PPP6R3: variants seen among roughly 807,000 people sequenced by gnomAD.
PPP6R3 encodes protein phosphatase 6 regulatory subunit 3, also known as serine/threonine-protein phosphatase 6 regulatory subunit 3.
In PPP6R3, 38 loss-of-function variants were observed where a neutral mutation model predicts 110.7. The ratio of observed to expected loss-of-function variants is 0.34; its 90% CI spans 0.26 to 0.45. The LOEUF (loss-of-function observed/expected upper bound fraction) is 0.45, where lower values mean the gene tolerates loss of function less well. Among genes scored for constraint, PPP6R3 ranks in the 20% least tolerant of loss-of-function variants. The probability of loss-of-function intolerance (pLI) is 1.00; values close to 1 mark genes in which losing one functional copy is unlikely to be tolerated. For missense variants in PPP6R3, 870 were observed against 1,062.4 expected (o/e 0.82, Z 2.52); for synonymous variants, 369 against 373.5 (o/e 0.99, Z 0.14).
At chr11:68,482,519 C>T (rs2098921601) in intron 1 of PPP6R3, among the ~76,000 whole-genome samples, 1 of 151,788 alleles carries the variant, frequency 6.6e-6, no homozygotes, top group South Asian at 2.1e-4. Context: ...AAGTCCTAAA[C>T]TTACACAGAA....
chr11:68,483,280 T>A (rs1459583198), intron 1 of PPP6R3, among the ~76,000 whole-genome samples: 1 of 152,234 alleles, frequency 6.6e-6, no homozygotes, highest in African/African-American at 2.4e-5. Flanking sequence ...AGCAAATCTT[T>A]TAAAATTGTG....
chr11:68,476,470 G>A (rs1168362258), intron 1 of PPP6R3, among the ~76,000 whole-genome samples: 2 of 147,054 alleles, frequency 1.4e-5, no homozygotes, highest in South Asian at 2.2e-4. Flanking sequence ...GGGGGAGGGG[G>A]AGGGGGAGGG....
intron 1 of PPP6R3, among the ~76,000 whole-genome samples, chr11:68,481,083 GAAGA>G (rs2098906808): frequency 6.6e-6 from 1 of 152,182 alleles, no homozygotes; most frequent in African/African-American, 2.4e-5. Flanking sequence ...CTCGAGGAAG[GAAGA>G]GAGTAGAGTT....
chr11:68,596,928 C>T (rs1430633460), intron 19 of PPP6R3, among the ~76,000 whole-genome samples: 1 of 152,110 alleles, frequency 6.6e-6, no homozygotes, highest in Non-Finnish European at 1.5e-5. Flanking sequence ...GACTTCAGAG[C>T]TAGATGGGAC....
chr11:68,493,066 T>A (rs1441497788), intron 1 of PPP6R3, among the ~76,000 whole-genome samples: 8 of 152,178 alleles, frequency 5.3e-5, no homozygotes, highest in Admixed American at 1.3e-4. Flanking sequence ...TACCTACTTC[T>A]AACCCTGATT....
At position 68,496,537 on chromosome 11, in the gene PPP6R3, A is replaced by G. The variant is rs1238289376; in HGVS notation, c.-157-22964A>G. Reference sequence around the variant, plus strand: ...ACCCAGGCTGGAGTGCAGTAGTGCAATCTCAGCTCGCTGCAACCTCTGCCA... The same window carrying G: ...ACCCAGGCTGGAGTGCAGTAGTGCAGTCTCAGCTCGCTGCAACCTCTGCCA... On this transcript the variant is annotated intron_variant, in intron 1 of 23. Coordinates refer to ENST00000393800, the MANE Select transcript of PPP6R3 (RefSeq NM_001164161.2). 3.9e-5 allele frequency among the ~76,000 whole-genome samples: 6 copies of G among 152,076 alleles called. No homozygotes were observed. The South Asian group carries it at 1.0e-3, about 26-fold the overall frequency.
intron 10 of PPP6R3, among the ~76,000 whole-genome samples, chr11:68,569,327 G>A (rs1346882824): frequency 6.6e-6 from 1 of 152,164 alleles, no homozygotes; most frequent in African/African-American, 2.4e-5. Flanking sequence ...TCCTTTGGAT[G>A]CCTGAAACCA....
intron 20 of PPP6R3, 71 bp from the exon 21 acceptor site, chr11:68,601,792 T>C (rs1594001083): frequency 2.3e-6 from 3 of 1,277,684 alleles, no homozygotes; most frequent in East Asian, 4.7e-5. Context: ...TTGTAAAGGC[T>C]TATTGTGAAT....
At position 68,527,516 on chromosome 11, in the gene PPP6R3, C is replaced by G. The variant is rs561802727; in HGVS notation, c.-7+7865C>G. Among the ~76,000 whole-genome samples, 7 of 152,332 alleles carry G rather than the reference C, an allele frequency of 4.6e-5. No individual in the cohort carries two copies. In the South Asian group the frequency reaches 6.2e-4, roughly 14 times the overall value. On this transcript the variant is annotated intron_variant, in intron 2 of 23. Coordinates refer to ENST00000393800, the MANE Select transcript of PPP6R3 (RefSeq NM_001164161.2). ...AGACCCAAAAGAGGTTTGTCCTCTTCCCTCTGTCCTTCACCTTTGTAGGAA... is the reference window on the plus strand; with the variant it reads ...AGACCCAAAAGAGGTTTGTCCTCTTGCCTCTGTCCTTCACCTTTGTAGGAA...
intron 1 of PPP6R3, among the ~76,000 whole-genome samples, chr11:68,478,646 A>AGTTTT (rs2098859650): frequency 9.3e-5 from 1 of 10,752 alleles, no homozygotes; most frequent in Non-Finnish European, 2.0e-4. Context: ...GCACTTGGTA[A>AGTTTT]GTTTTTTTTT....
intron 1 of PPP6R3, among the ~76,000 whole-genome samples, chr11:68,486,968 CA>C (rs1474159762): frequency 6.6e-6 from 1 of 152,106 alleles, no homozygotes; most frequent in Non-Finnish European, 1.5e-5. Context: ...TGTCTTCTCT[CA>C]TTTCTCTTTC....
At position 68,503,458 on chromosome 11, in the gene PPP6R3, G is replaced by A. The variant is rs1478582559; in HGVS notation, c.-157-16043G>A. Among the ~76,000 whole-genome samples, 4 of 152,108 alleles carry A rather than the reference G, an allele frequency of 2.6e-5. No individual in the cohort carries two copies. The East Asian group carries it at 5.8e-4, about 22-fold the overall frequency. On this transcript the variant is annotated intron_variant, in intron 1 of 23. Coordinates refer to ENST00000393800, the MANE Select transcript of PPP6R3 (RefSeq NM_001164161.2). ...CTGTGTTATCAGTGGGACAGAAGAA[G>A]GAAGGAAGGAAGGAGAGGAGCAGCC...
At chr11:68,482,387 C>T (rs1157032733) in intron 1 of PPP6R3, among the ~76,000 whole-genome samples, 1 of 149,354 alleles carries the variant, frequency 6.7e-6, no homozygotes, top group Admixed American at 6.7e-5. Flanking sequence ...GCATTCCAGC[C>T]TGGGCAACAA....
At chr11:68,484,828 C>A (rs2098936290) in intron 1 of PPP6R3, among the ~76,000 whole-genome samples, 1 of 152,092 alleles carries the variant, frequency 6.6e-6, no homozygotes. Flanking sequence ...CTCAGGTGGT[C>A]CACCCACCTC....
intron 2 of PPP6R3, among the ~76,000 whole-genome samples, chr11:68,535,723 G>A (rs1314649637): frequency 6.6e-6 from 1 of 151,366 alleles, no homozygotes; most frequent in Non-Finnish European, 1.5e-5. Context: ...AGCACTTGGG[G>A]AGGCTGAGGC....
chr11:68,528,786 T>C (rs1358835546), intron 2 of PPP6R3, among the ~76,000 whole-genome samples: 1 of 152,208 alleles, frequency 6.6e-6, no homozygotes, highest in African/African-American at 2.4e-5. Context: ...CACCAGACCC[T>C]CCTGGAGCCC....
At chr11:68,610,890 C>T (rs1435516246) in intron 23 of PPP6R3, among the ~76,000 whole-genome samples, 1 of 144,792 alleles carries the variant, frequency 6.9e-6, no homozygotes, top group African/African-American at 2.5e-5. Flanking sequence ...TGTATGAGAG[C>T]ATAACCAGTG....
At chr11:68,476,610 A>G (rs1205325716) in intron 1 of PPP6R3, among the ~76,000 whole-genome samples, 3 of 152,244 alleles carry the variant, frequency 2.0e-5, no homozygotes, top group Admixed American at 6.5e-5. Context: ...GCTATATGCT[A>G]TAAGTTTTGC....
chr11:68,509,123 T>C (rs2099094493), intron 1 of PPP6R3, among the ~76,000 whole-genome samples: 1 of 152,154 alleles, frequency 6.6e-6, no homozygotes, highest in Non-Finnish European at 1.5e-5. Flanking sequence ...CGTGTCCTTT[T>C]CTCACCCTGT....
Sources: allele counts gnomAD v4.1 joint callset (sites outside exome capture counted in the v4.1 genomes callset), GRCh38; gene constraint gnomAD v4.1.1; transcripts MANE v1.5; gene names NCBI Gene and HGNC (gene_info 2026-07-23, HGNC 2026-07-21).